Variants in MYT1L observed in about 807,000 individuals in gnomAD.
The protein encoded by MYT1L is myelin transcription factor 1-like protein.
A neutral mutation model predicts 126.7 loss-of-function variants in MYT1L; 12 were observed. The observed-to-expected ratio is 0.09, with a 90% CI of 0.06 to 0.15. MYT1L has a LOEUF of 0.15. Among genes scored for constraint, MYT1L ranks in the 10% least tolerant of loss-of-function variants. MYT1L has a pLI of 1.00. For missense variants in MYT1L, 979 were observed against 1,585.2 expected (o/e 0.62, Z 6.49); for synonymous variants, 541 against 604.2 (o/e 0.90, Z 1.53).
intron 21 of MYT1L, among the ~76,000 whole-genome samples, chr2:1,822,420 C>CA (rs2038672304): frequency 6.6e-6 from 1 of 152,208 alleles, no homozygotes; most frequent in African/African-American, 2.4e-5. Flanking sequence ...AGGTGTCTGC[C>CA]ATCTTTGTGT....
intron 2 of MYT1L, among the ~76,000 whole-genome samples, chr2:2,183,575 G>T (rs1404226955): frequency 1.3e-5 from 2 of 152,156 alleles, no homozygotes; most frequent in African/African-American, 4.8e-5. Context: ...GTAAGGTAAT[G>T]ATGAGGTTCT....
chr2:1,803,865 G>A (rs999935404), intron 22 of MYT1L, among the ~76,000 whole-genome samples: 2 of 152,212 alleles, frequency 1.3e-5, no homozygotes, highest in Non-Finnish European at 2.9e-5. Context: ...AGGGTATGTG[G>A]AAGAGGAGGG....
chr2:1,791,707 T>C lies in MYT1L; in HGVS notation c.*160A>G, dbSNP rs143777675. On this transcript the variant is annotated 3_prime_UTR_variant, in exon 25 of 25. Transcript: ENST00000647738. This position sits in a 1 kb window ranked among gnomAD's most constrained non-coding sequence, Gnocchi z 6.0. ...TATTCAAAAACTATTCTGCAGGTACTATCTTTAAAGCAAGACATAAAATCA... is the reference window on the plus strand; with the variant it reads ...TATTCAAAAACTATTCTGCAGGTACCATCTTTAAAGCAAGACATAAAATCA... 84 of 693,648 alleles carry C rather than the reference T, an allele frequency of 1.2e-4. No homozygotes were observed. In the African/African-American group the frequency reaches 1.5e-3, roughly 12 times the overall value. The allele number at this position is 693,648 out of a possible 1,614,324, so 43.0% of individuals were successfully genotyped here. A position where few individuals can be genotyped will look rare whatever the true frequency, so the allele number is the denominator to read the frequency against.
chr2:2,014,561 T>C (rs931417269), intron 4 of MYT1L, among the ~76,000 whole-genome samples: 1 of 152,230 alleles, frequency 6.6e-6, no homozygotes, highest in African/African-American at 2.4e-5. Context: ...CACAGGCGTC[T>C]GCTTGCTGGC....
chr2:1,828,026 A>T (rs953797167), intron 21 of MYT1L: 20 of 152,348 alleles, frequency 1.3e-4, no homozygotes, highest in African/African-American at 4.8e-4. Flanking sequence ...GCAGCCCTGG[A>T]GCAGCCCCAG....
intron 3 of MYT1L, among the ~76,000 whole-genome samples, chr2:2,104,620 A>C (rs1482808220): frequency 2.6e-5 from 4 of 152,212 alleles, no homozygotes; most frequent in South Asian, 4.1e-4. Context: ...CTCTGCGTCC[A>C]GTTACATATT....
At chr2:2,120,605 G>A (rs952488464) in intron 3 of MYT1L, among the ~76,000 whole-genome samples, 3 of 152,190 alleles carry the variant, frequency 2.0e-5, no homozygotes, top group Admixed American at 6.5e-5. Context: ...GGATGGATGT[G>A]AAGCTAAGGG....
At chr2:2,185,476 TGAGGGG>T (rs2092018745) in intron 2 of MYT1L, among the ~76,000 whole-genome samples, 20 of 122,220 alleles carry the variant, frequency 1.6e-4, no homozygotes, top group Admixed American at 1.2e-3. Context: ...GTTCCTTCTG[TGAGGGG>T]GACGCAGCCA....
chr2:1,850,767 C>T (rs1353126272), intron 19 of MYT1L, among the ~76,000 whole-genome samples: 4 of 152,094 alleles, frequency 2.6e-5, no homozygotes, highest in Admixed American at 6.5e-5. Flanking sequence ...AGCAATGATC[C>T]CATCAAGTCC....
At chr2:1,798,707 A>C (rs1024312811) in intron 23 of MYT1L, among the ~76,000 whole-genome samples, 2 of 152,200 alleles carry the variant, frequency 1.3e-5, no homozygotes, top group East Asian at 1.9e-4. Context: ...CGGGCCTGAG[A>C]GGCACGGGAA....
chr2:1,983,339 CCCCTTTCTTT>C (rs1558625211), intron 5 of MYT1L, among the ~76,000 whole-genome samples: 1 of 152,216 alleles, frequency 6.6e-6, no homozygotes, highest in Non-Finnish European at 1.5e-5. Flanking sequence ...AGATGGGGTT[CCCCTTTCTTT>C]CCCTTTCAGC....
intron 3 of MYT1L, among the ~76,000 whole-genome samples, chr2:2,119,615 C>T (rs111349640): frequency 0.015 from 2,295 of 152,298 alleles, 52 homozygotes; most frequent in African/African-American, 0.052. Context: ...TTTCAGGGTA[C>T]ATCCCTGAGT....
intron 3 of MYT1L, among the ~76,000 whole-genome samples, chr2:2,062,297 T>C (rs1397498073): frequency 2.0e-5 from 3 of 152,256 alleles, no homozygotes; most frequent in Admixed American, 6.5e-5. Flanking sequence ...CCTATGTACT[T>C]ATCATGACTC....
intron 23 of MYT1L, among the ~76,000 whole-genome samples, chr2:1,798,251 C>A (rs1184027883): frequency 2.0e-5 from 3 of 149,322 alleles, no homozygotes; most frequent in East Asian, 4.0e-4. Flanking sequence ...CGGCGGTCTC[C>A]CTCCATCCGG....
intron 4 of MYT1L, among the ~76,000 whole-genome samples, chr2:2,043,392 G>C (rs2067780116): frequency 1.3e-5 from 2 of 152,180 alleles, no homozygotes; most frequent in African/African-American, 4.8e-5. Context: ...TCTCACCAAT[G>C]GCAGAAATTA....
At chr2:2,109,837 T>C (rs2079166757) in intron 3 of MYT1L, among the ~76,000 whole-genome samples, 1 of 135,372 alleles carries the variant, frequency 7.4e-6, no homozygotes, top group Non-Finnish European at 1.6e-5. Flanking sequence ...TGTGTGGAAA[T>C]AAAATTTCAG....
chr2:1,817,423 C>T (rs2148095312), intron 21 of MYT1L, among the ~76,000 whole-genome samples: 1 of 152,324 alleles, frequency 6.6e-6, no homozygotes, highest in South Asian at 2.1e-4. Flanking sequence ...CTTCTCTTCA[C>T]TCTCAGTTAA....
At chr2:1,828,112 C>A (rs1240954719) in intron 21 of MYT1L, 1 of 152,142 alleles carries the variant, frequency 6.6e-6, no homozygotes, top group Non-Finnish European at 1.5e-5. Context: ...TAAAACAGGA[C>A]CACACAGATC....
At position 2,290,153 on chromosome 2, in the gene MYT1L, G is replaced by T. The variant is rs368013912; in HGVS notation, c.-520-5650C>A. Among the ~76,000 whole-genome samples, 307 of 152,294 alleles carry T rather than the reference G, an allele frequency of 2.0e-3. 2 individuals carry two copies. Among genetic ancestry groups the T allele is most frequent in the African/African-American group, 7.1e-3 (295 of 41,576 alleles). ...GGCAGAGAAGCAGTAGAGAAAGTTA[G>T]AATTTCTAGATTGAGGTCTAGAACC... On this transcript the variant is annotated intron_variant, in intron 1 of 24. Transcript: ENST00000647738.
Sources: allele counts gnomAD v4.1 joint callset (sites outside exome capture counted in the v4.1 genomes callset), GRCh38; gene constraint gnomAD v4.1.1; non-coding constraint Gnocchi (gnomAD v3.1); transcripts MANE v1.5; gene names NCBI Gene and HGNC (gene_info 2026-07-23, HGNC 2026-07-21).